Variants in CDH13 observed in about 807,000 individuals in gnomAD.
CDH13 encodes the protein cadherin 13.
In CDH13, 24 loss-of-function variants were observed where a neutral mutation model predicts 63.8. That is an observed-to-expected ratio of 0.38 (90% CI 0.27 to 0.53). The LOEUF is 0.53. Among genes scored for constraint, CDH13 ranks in the 20% least tolerant of loss-of-function variants. The pLI is 0.85. For missense variants in CDH13, 1,049 were observed against 903.1 expected, an observed-to-expected ratio of 1.16 and a Z score of -2.07; for synonymous variants, 503 against 355.3, an observed-to-expected ratio of 1.42 and a Z score of -4.67.
intron 3 of CDH13, among the ~76,000 whole-genome samples, chr16:83,039,839 T>C (rs1267379489): frequency 6.6e-6 from 1 of 152,104 alleles, no homozygotes; most frequent in East Asian, 1.9e-4. Flanking sequence ...GTCTGGACAT[T>C]GTTCCTTCCA....
At chr16:83,234,757 T>C (rs1318862570) in intron 5 of CDH13, among the ~76,000 whole-genome samples, 1 of 152,220 alleles carries the variant, frequency 6.6e-6, no homozygotes, top group African/African-American at 2.4e-5. Flanking sequence ...AAGGTAAAGA[T>C]TGTTTTTGTC....
chr16:83,484,285 C>A (rs969907109), intron 6 of CDH13, among the ~76,000 whole-genome samples: 2 of 152,160 alleles, frequency 1.3e-5, no homozygotes, highest in Admixed American at 6.6e-5. Flanking sequence ...TTCCTTTAGG[C>A]TTCAGTGTTT....
intron 1 of CDH13, among the ~76,000 whole-genome samples, chr16:82,839,233 G>A (rs1311082116): frequency 6.6e-6 from 1 of 152,168 alleles, no homozygotes; most frequent in Non-Finnish European, 1.5e-5. Flanking sequence ...CCCCCTCCAT[G>A]TGGCCGCGTC....
At chr16:82,808,843 A>G (rs2037291971) in intron 1 of CDH13, among the ~76,000 whole-genome samples, 1 of 152,142 alleles carries the variant, frequency 6.6e-6, no homozygotes. Context: ...TCTGCCAAAA[A>G]TTAATTCATT....
rs139922733 is a variant in CDH13, at chr16:83,272,274, T to C, written c.636+54777T>C. On this transcript the variant is annotated intron_variant, in intron 5 of 13. Coordinates refer to ENST00000567109, the MANE Select transcript of CDH13 (RefSeq NM_001257.5). ...CAGTGTCAGGGAATGATAAGACCTG[T>C]GTAGAATTAAGAGGCCAGGGGTTAG... Among the ~76,000 whole-genome samples the C allele has an allele frequency of 3.3e-3, 506 of 152,280 alleles. 4 individuals carry two copies. Among genetic ancestry groups the C allele is most frequent in the African/African-American group, 0.011 (453 of 41,546 alleles).
chr16:83,170,451 C>T (rs1332482701), intron 4 of CDH13, among the ~76,000 whole-genome samples: 1 of 152,034 alleles, frequency 6.6e-6, no homozygotes, highest in South Asian at 2.1e-4. Context: ...TTCCAGTTTT[C>T]CAGTCAAAGA....
chr16:83,535,359 G>A (rs890907782), intron 7 of CDH13, among the ~76,000 whole-genome samples: 2 of 152,258 alleles, frequency 1.3e-5, no homozygotes, highest in Non-Finnish European at 2.9e-5. Context: ...AAGTTGATTG[G>A]CATTTTAGTA....
chr16:82,710,586 T>A (rs1291581123), intron 1 of CDH13, among the ~76,000 whole-genome samples: 4 of 120,256 alleles, frequency 3.3e-5, no homozygotes, highest in African/African-American at 8.5e-5. Context: ...TAAATATATT[T>A]CTATATTTAT....
intron 6 of CDH13, among the ~76,000 whole-genome samples, chr16:83,403,221 G>T (rs1164963492): frequency 1.3e-5 from 2 of 151,974 alleles, no homozygotes; most frequent in African/African-American, 4.8e-5. Flanking sequence ...CTTTAGGACA[G>T]ATTAGCAAAG....
chr16:83,414,172 T>G (rs1477462497), intron 6 of CDH13, among the ~76,000 whole-genome samples: 1 of 152,216 alleles, frequency 6.6e-6, no homozygotes, highest in Non-Finnish European at 1.5e-5. Context: ...ATAGCTGTTT[T>G]TCTTATTTGG....
intron 6 of CDH13, among the ~76,000 whole-genome samples, chr16:83,424,387 G>C (rs768438629): frequency 2.2e-4 from 34 of 152,198 alleles, no homozygotes; most frequent in Admixed American, 5.9e-4. Context: ...CAGTAGCCTA[G>C]AGTTTAATCA....
At chr16:82,832,413 C>G (rs1249136026) in intron 1 of CDH13, among the ~76,000 whole-genome samples, 1 of 152,068 alleles carries the variant, frequency 6.6e-6, no homozygotes, top group Non-Finnish European at 1.5e-5. Flanking sequence ...TTAGGTGTGA[C>G]TTTTCATCTC....
intron 5 of CDH13, among the ~76,000 whole-genome samples, chr16:83,229,074 T>C (rs1157521464): frequency 1.3e-5 from 2 of 152,118 alleles, no homozygotes; most frequent in African/African-American, 2.4e-5. Context: ...GGGCAGGCCA[T>C]ACCGGGCCTC....
chr16:83,509,313 C>T (rs910746803), intron 7 of CDH13, among the ~76,000 whole-genome samples: 1 of 152,296 alleles, frequency 6.6e-6, no homozygotes, highest in Non-Finnish European at 1.5e-5. Flanking sequence ...CAGGAAGATG[C>T]CCAGGTATGG....
chr16:83,265,500 C>T (rs527889922), intron 5 of CDH13, among the ~76,000 whole-genome samples: 1 of 152,082 alleles, frequency 6.6e-6, no homozygotes, highest in Non-Finnish European at 1.5e-5. Context: ...AAAAATACTT[C>T]GTACATTTCT....
intron 5 of CDH13, among the ~76,000 whole-genome samples, chr16:83,303,782 GT>G (rs2089806797): frequency 6.6e-6 from 1 of 152,182 alleles, no homozygotes; most frequent in Non-Finnish European, 1.5e-5. Context: ...ATTTTGGAGT[GT>G]TGTGTTCTGA....
intron 4 of CDH13, among the ~76,000 whole-genome samples, chr16:83,144,927 G>A (rs1449070126): frequency 2.0e-5 from 3 of 152,196 alleles, no homozygotes; most frequent in African/African-American, 2.4e-5. Flanking sequence ...GGAGACTGAG[G>A]AGCCCTCTGG....
chr16:82,646,471 G>A (rs1910107652), intron 1 of CDH13: 2 of 152,262 alleles, frequency 1.3e-5, no homozygotes, highest in Admixed American at 1.3e-4. Context: ...TAGGATTACA[G>A]ACATGAGTCA....
chr16:82,707,865 G>C (rs905874915), intron 1 of CDH13, among the ~76,000 whole-genome samples: 7 of 152,182 alleles, frequency 4.6e-5, no homozygotes, highest in Non-Finnish European at 1.5e-5. Context: ...CCCAAAGAAA[G>C]GAGCATATGT....
Sources: allele counts gnomAD v4.1 joint callset (sites outside exome capture counted in the v4.1 genomes callset), GRCh38; gene constraint gnomAD v4.1.1; transcripts MANE v1.5; gene names NCBI Gene and HGNC (gene_info 2026-07-23, HGNC 2026-07-21).